The following FHIT variants were observed in gnomAD, a reference collection of about 807,000 sequenced individuals.
The protein encoded by FHIT is fragile histidine triad diadenosine triphosphatase.
FHIT carries 19 observed loss-of-function variants against 17.9 expected under a neutral mutation model. That is an observed-to-expected ratio of 1.06 (90% confidence interval 0.74 to 1.56). The LOEUF (loss-of-function observed/expected upper bound fraction) is 1.56. FHIT is among the 40% of genes most tolerant of loss of function. FHIT has a pLI of 0.00. For synonymous variants in FHIT, 81 were observed against 69.7 expected (o/e 1.16, Z -0.81); for missense variants, 248 against 189.2 (o/e 1.31, Z -1.82).
chr3:60,393,186 C>T (rs1701300659), intron 5 of FHIT, among the ~76,000 whole-genome samples: 1 of 151,890 alleles, frequency 6.6e-6, no homozygotes, highest in Non-Finnish European at 1.5e-5. Flanking sequence ...TGCATTGACC[C>T]CCAATTCTTT....
intron 4 of FHIT, among the ~76,000 whole-genome samples, chr3:60,682,317 G>A (rs2107864866): frequency 6.6e-6 from 1 of 152,294 alleles, no homozygotes; most frequent in Non-Finnish European, 1.5e-5. Flanking sequence ...GTTGGAAGAA[G>A]ATGCCATCTA....
intron 4 of FHIT, among the ~76,000 whole-genome samples, chr3:60,588,894 T>TC (rs1251968451): frequency 2.0e-5 from 3 of 152,042 alleles, no homozygotes; most frequent in African/African-American, 7.2e-5. Context: ...GTCAGAAGTT[T>TC]CCCAAGTTTA....
chr3:60,067,020 G>A lies in FHIT; in HGVS notation c.104-52868C>T, dbSNP rs570160758. On this transcript the variant is annotated intron_variant, in intron 5 of 9. Coordinates refer to ENST00000492590, the MANE Select transcript of FHIT (RefSeq NM_002012.4). ...GTCACTCTCAGTGCCTATCACAGAG[G>A]TAGGCAAATCAAAAATTCTCATGAA... is the stretch of plus-strand genomic sequence containing the variant. Among the ~76,000 whole-genome samples the A allele has an allele frequency of 5.9e-4, 89 of 152,072 alleles. 2 individuals are homozygous for A. The South Asian group carries it at 0.018, about 31-fold the overall frequency.
chr3:59,843,853 C>T (rs1701619832), intron 8 of FHIT, among the ~76,000 whole-genome samples: 1 of 151,908 alleles, frequency 6.6e-6, no homozygotes. Context: ...TTGTCCCCTT[C>T]AAATCTGATG....
chr3:60,573,664 G>A (rs950873445), intron 4 of FHIT, among the ~76,000 whole-genome samples: 1 of 152,132 alleles, frequency 6.6e-6, no homozygotes, highest in Non-Finnish European at 1.5e-5. Context: ...GGAGAGAAGC[G>A]CAGCTGCCTC....
intron 2 of FHIT, among the ~76,000 whole-genome samples, chr3:61,045,442 T>G (rs1171029458): frequency 6.6e-6 from 1 of 152,164 alleles, no homozygotes; most frequent in Non-Finnish European, 1.5e-5. Flanking sequence ...GAGCTAACTA[T>G]CCTAAATATA....
chr3:60,565,297 G>A (rs1420136921), intron 4 of FHIT, among the ~76,000 whole-genome samples: 1 of 152,010 alleles, frequency 6.6e-6, no homozygotes, highest in Non-Finnish European at 1.5e-5. Flanking sequence ...ATATCTTTGA[G>A]GTATGGCTGT....
chr3:60,853,989 G>A (rs782071136), intron 3 of FHIT, among the ~76,000 whole-genome samples: 3 of 151,974 alleles, frequency 2.0e-5, no homozygotes, highest in Admixed American at 1.3e-4. Context: ...GTGAAAAACC[G>A]TAAACACCAA....
chr3:60,530,272 T>C (rs1046618279), intron 5 of FHIT, among the ~76,000 whole-genome samples: 2 of 152,120 alleles, frequency 1.3e-5, no homozygotes, highest in African/African-American at 4.8e-5. Flanking sequence ...AGAAGGCAGA[T>C]AGCAGGAAGT....
At chr3:60,565,640 C>A (rs1230169731) in intron 4 of FHIT, among the ~76,000 whole-genome samples, 1 of 152,166 alleles carries the variant, frequency 6.6e-6, no homozygotes, top group Non-Finnish European at 1.5e-5. Context: ...TCCAAGATAA[C>A]TTGCTCTCGT....
At chr3:59,954,443 G>C (rs1159964397) in intron 7 of FHIT, among the ~76,000 whole-genome samples, 4 of 152,052 alleles carry the variant, frequency 2.6e-5, no homozygotes, top group African/African-American at 9.7e-5. Context: ...CTGCTCTTTG[G>C]AGACAAATAA....
At chr3:60,619,279 TA>T (rs1165316940) in intron 4 of FHIT, among the ~76,000 whole-genome samples, 1 of 152,096 alleles carries the variant, frequency 6.6e-6, no homozygotes, top group Non-Finnish European at 1.5e-5. Flanking sequence ...TAAATGTGAA[TA>T]AAATGTAAAT....
intron 1 of FHIT, among the ~76,000 whole-genome samples, chr3:61,212,214 A>T (rs1358400755): frequency 1.3e-5 from 2 of 152,244 alleles, no homozygotes; most frequent in East Asian, 3.8e-4. Context: ...GAGCTAAAGG[A>T]GGAAATTCAA....
chr3:60,908,151 A>C (rs1400579980), intron 3 of FHIT, among the ~76,000 whole-genome samples: 1 of 152,228 alleles, frequency 6.6e-6, no homozygotes, highest in Non-Finnish European at 1.5e-5. Context: ...GGTTCCAATT[A>C]GTTCTTTTTC....
intron 4 of FHIT, among the ~76,000 whole-genome samples, chr3:60,696,532 T>C (rs1286798370): frequency 2.0e-5 from 3 of 152,180 alleles, no homozygotes; most frequent in Non-Finnish European, 2.9e-5. Flanking sequence ...GCTCTTGTGA[T>C]GGTTGCTCTT....
intron 4 of FHIT, among the ~76,000 whole-genome samples, chr3:60,678,223 C>T (rs1472997896): frequency 1.3e-5 from 2 of 152,016 alleles, no homozygotes; most frequent in Non-Finnish European, 2.9e-5. Flanking sequence ...TTGTTTCAGC[C>T]TTGTTTTCTG....
intron 5 of FHIT, among the ~76,000 whole-genome samples, chr3:60,316,969 C>G (rs1709190176): frequency 6.6e-6 from 1 of 151,972 alleles, no homozygotes; most frequent in African/African-American, 2.4e-5. Context: ...AACAAGGGAC[C>G]CAAGAACTAG....
At chr3:60,629,190 C>T (rs1553681847) in intron 4 of FHIT, among the ~76,000 whole-genome samples, 1 of 152,114 alleles carries the variant, frequency 6.6e-6, no homozygotes, top group Non-Finnish European at 1.5e-5. Flanking sequence ...TACCATATCC[C>T]TTGACTGGAA....
chr3:59,968,793 G>C (rs1177531347), intron 7 of FHIT, among the ~76,000 whole-genome samples: 1 of 152,184 alleles, frequency 6.6e-6, no homozygotes, highest in Non-Finnish European at 1.5e-5. Context: ...GTGAACAAAA[G>C]CGCTTGCTGT....
Sources: gnomAD v4.1 joint callset for allele counts (sites outside exome capture counted in the v4.1 genomes callset) on GRCh38, gnomAD v4.1.1 for gene constraint, MANE v1.5 for transcripts, NCBI Gene and HGNC (gene_info 2026-07-23, HGNC 2026-07-21) for gene names.